Variants in FBXL18 observed in about 807,000 individuals in gnomAD.
FBXL18 encodes F-box/LRR-repeat protein 18.
In FBXL18, 36 loss-of-function variants were observed where a neutral mutation model predicts 46.0. The observed-to-expected ratio is 0.78, with a 90% CI of 0.60 to 1.03. FBXL18 has a LOEUF of 1.03. FBXL18 is among the 50% of genes least tolerant of loss of function. The probability of loss-of-function intolerance (pLI) is 0.00; values close to 1 mark genes in which losing one functional copy is unlikely to be tolerated. For missense variants in FBXL18, 977 were observed against 1,004.1 expected (o/e 0.97, Z 0.36); for synonymous variants, 557 against 465.3 (o/e 1.20, Z -2.54).
intron 4 of FBXL18, among the ~76,000 whole-genome samples, chr7:5,454,978 C>G (rs976016016): frequency 6.6e-6 from 1 of 152,226 alleles, no homozygotes; most frequent in Non-Finnish European, 1.5e-5. Flanking sequence ...CTCACCCCTA[C>G]AGTTGGGGAA....
Position 5,505,619 on chromosome 7 carries a change from A to G in FBXL18, c.30T>C (p.Asn10=). 1.2e-6 allele frequency: 2 copies of G among 1,613,740 alleles called. No individual in the cohort carries two copies. Among genetic ancestry groups the G allele is most frequent in the Non-Finnish European group, 1.7e-6 (2 of 1,179,836 alleles). The change falls in exon 2 of 5, where the codon AAT becomes AAC. Residue 10 remains asparagine, a synonymous_variant. Coordinates refer to ENST00000382368, the MANE Select transcript of FBXL18 (RefSeq NM_024963.6). The part of the protein sequence containing the change: MASSGEDIS[N]DDDDMHPAAA... ...CTGCAGGGTGCATGTCATCATCATC[A>G]TTGGATATGTCCTGAAAATAAGGGG...
At position 5,500,980 on chromosome 7, in the gene FBXL18, G is replaced by T; in HGVS notation, c.1289C>A (p.Pro430Gln). 6.5e-7 allele frequency: 1 copy of T among 1,549,132 alleles called. No homozygotes were observed. Among genetic ancestry groups the T allele is most frequent in the Non-Finnish European group, 8.7e-7 (1 of 1,154,218 alleles). Residue 430 changes from proline to glutamine, a missense_variant, in exon 3 of 5, where the codon CCG becomes CAG. Physicochemically the swap from Pro to Gln is moderately conservative, Grantham distance 76 (BLOSUM62 -1). Transcript: ENST00000382368. ...CTGGGCGGGCGCGCGGTCGGCGCGCGGCGCGGAGTCAGCGACAGAGCAGAC... is the reference window on the plus strand; with the variant it reads ...CTGGGCGGGCGCGCGGTCGGCGCGCTGCGCGGAGTCAGCGACAGAGCAGAC... ...LPVCSVADSA[P>Q]RADRAPAQPA...
At position 5,477,310 on chromosome 7, in the gene FBXL18, G is replaced by A. The variant is rs946154587; in HGVS notation, c.*4465C>T. ...GAACTGGCAGCAGCGCTCTGCCCAC[G>A]TCCACAGGAAGTGGCCGACGTCTCC... On this transcript the variant is annotated 3_prime_UTR_variant, in exon 5 of 5. Coordinates refer to ENST00000382368, the MANE Select transcript of FBXL18 (RefSeq NM_024963.6). The surrounding 1 kb of genome is among the most constrained non-coding windows in gnomAD (Gnocchi z 4.4). Among the ~76,000 whole-genome samples the A allele has an allele frequency of 6.6e-5, 10 of 152,258 alleles. No homozygotes were observed. Among genetic ancestry groups the A allele is most frequent in the South Asian group, 2.1e-4 (1 of 4,824 alleles).
chr7:5,490,198 G>C, intron 4 of FBXL18: 1 of 1,341,782 alleles, frequency 7.5e-7, no homozygotes, highest in African/African-American at 1.5e-5. Context: ...CCTCCTTCCT[G>C]TCACCTCTCC....
In FBXL18 at chr7:5,476,449, C is replaced by T. The variant is rs1474706600; in HGVS notation, c.*5326G>A. On this transcript the variant is annotated 3_prime_UTR_variant, in exon 5 of 5. Transcript: ENST00000382368. ...CAGGCGGTTTTCCCGTAAACCGACC[C>T]CTTCAGCGTTTCTGCTTTTTGTTGT... is the stretch of plus-strand genomic sequence containing the variant. 2 of 152,148 alleles carry T rather than the reference C, an allele frequency of 1.3e-5. No individual in the cohort carries two copies. Among genetic ancestry groups the T allele is most frequent in the African/African-American group, 4.8e-5 (2 of 41,404 alleles). The allele number at this position is 152,148 out of a possible 1,614,324, so 9.4% of individuals were successfully genotyped here. A position where few individuals can be genotyped will look rare whatever the true frequency, so the allele number is the denominator to read the frequency against.
chr7:5,487,516 C>T (rs560628330), intron 4 of FBXL18, among the ~76,000 whole-genome samples: 1 of 152,322 alleles, frequency 6.6e-6, no homozygotes, highest in South Asian at 2.1e-4. Context: ...TGCACAGTCC[C>T]CGACACGGCC....
intron 3 of FBXL18, among the ~76,000 whole-genome samples, chr7:5,498,496 G>A (rs556141727): frequency 6.6e-6 from 1 of 152,166 alleles, no homozygotes; most frequent in Non-Finnish European, 1.5e-5. Flanking sequence ...GGCTCTTCGC[G>A]TGTTCTGGCC....
In FBXL18 at chr7:5,481,559, C is replaced by T; in HGVS notation, c.*216G>A. On this transcript the variant is annotated 3_prime_UTR_variant, in exon 5 of 5. Coordinates refer to ENST00000382368, the MANE Select transcript of FBXL18 (RefSeq NM_024963.6). ...ACATCGACCGTCCCCCGAGCCCCCT[C>T]ATGTCACCCAGAACGCATCCCCTCG... is the stretch of plus-strand genomic sequence containing the variant. 1.9e-6 allele frequency: 1 copy of T among 528,522 alleles called. No homozygotes were observed. Among genetic ancestry groups the T allele is most frequent in the Non-Finnish European group, 3.4e-6 (1 of 296,478 alleles). 32.7% of individuals were successfully genotyped at this position (528,522 alleles called of 1,614,324 possible).
chr7:5,472,722 A>T (rs1241869337), downstream of FBXL18, among the ~76,000 whole-genome samples: 1 of 152,124 alleles, frequency 6.6e-6, no homozygotes, highest in African/African-American at 2.4e-5. Flanking sequence ...TTCAGTCCCC[A>T]ACTGCTGAGT....
At chr7:5,456,166 C>G (rs1449860433) in intron 4 of FBXL18, among the ~76,000 whole-genome samples, 1 of 152,126 alleles carries the variant, frequency 6.6e-6, no homozygotes, top group Non-Finnish European at 1.5e-5. Context: ...TGCTGTCCTC[C>G]CCGAGGCTCA....
At chr7:5,468,094 T>C (rs1362703897) in intron 4 of FBXL18, among the ~76,000 whole-genome samples, 1 of 151,836 alleles carries the variant, frequency 6.6e-6, no homozygotes, top group Non-Finnish European at 1.5e-5. Flanking sequence ...GCAATTCTCC[T>C]GCCTCAGTCT....
At position 5,492,320 on chromosome 7, in the gene FBXL18, G is replaced by C. The variant is rs1411569844; in HGVS notation, c.1782-871C>G. 4.6e-5 allele frequency among the ~76,000 whole-genome samples: 7 copies of C among 151,782 alleles called. No homozygotes were observed. In the South Asian group the frequency reaches 1.5e-3, roughly 32 times the overall value. On this transcript the variant is annotated intron_variant, in intron 3 of 4. Transcript: ENST00000382368. ...GCGCTGCTGAGGACAGGCCCGGGGG[G>C]CCCTTGGAGAACCAGGCTGTGGGAC...
intron 1 of FBXL18, among the ~76,000 whole-genome samples, chr7:5,507,945 C>T (rs1229040896): frequency 1.3e-5 from 2 of 152,092 alleles, no homozygotes; most frequent in East Asian, 3.9e-4. Flanking sequence ...CCAGCCTGGC[C>T]AACATGGTGA....
Position 5,496,777 on chromosome 7 carries a change from C to G in FBXL18, c.1781+3711G>C, listed in dbSNP as rs1248557622. ...ACAGTGGCTTACGCCTGTAATCCCACCACTTTGGGAGGCCGAGGTGGGCGG... is the reference window on the plus strand; with the variant it reads ...ACAGTGGCTTACGCCTGTAATCCCAGCACTTTGGGAGGCCGAGGTGGGCGG... On this transcript the variant is annotated intron_variant, in intron 3 of 4. Coordinates refer to ENST00000382368, the MANE Select transcript of FBXL18 (RefSeq NM_024963.6). This position sits in a 1 kb window ranked among gnomAD's most constrained non-coding sequence, Gnocchi z 4.8. 2.6e-5 allele frequency among the ~76,000 whole-genome samples: 4 copies of G among 152,072 alleles called. No individual in the cohort carries two copies. Among genetic ancestry groups the G allele is most frequent in the Non-Finnish European group, 5.9e-5 (4 of 68,006 alleles).
At chr7:5,504,424 C>T (rs1473691144) in intron 2 of FBXL18, among the ~76,000 whole-genome samples, 1 of 148,808 alleles carries the variant, frequency 6.7e-6, no homozygotes, top group Non-Finnish European at 1.5e-5. Flanking sequence ...CGTGCCTCAG[C>T]CTCCTAAGTA....
chr7:5,473,081 C>T (rs566430715), downstream of FBXL18, among the ~76,000 whole-genome samples: 27 of 152,188 alleles, frequency 1.8e-4, no homozygotes, highest in Admixed American at 1.6e-3. Flanking sequence ...TCCCCAGCAC[C>T]GACCGCTGAT....
intron 1 of FBXL18, among the ~76,000 whole-genome samples, chr7:5,512,068 T>C (rs1261977565): frequency 1.7e-5 from 2 of 120,162 alleles, no homozygotes; most frequent in Non-Finnish European, 3.7e-5. Context: ...ACCCCGTCTC[T>C]AGTAAAAAAA....
At position 5,501,119 on chromosome 7, in the gene FBXL18, TGCA is replaced by T. The variant is rs1784237649; in HGVS notation, c.1147_1149del (p.Cys383del). The T allele has an allele frequency of 6.2e-7, 1 of 1,612,698 alleles. No individual in the cohort carries two copies. The highest frequency in any genetic ancestry group is 1.7e-5 in the Admixed American group (1 of 59,990). ...GCCGAGAGGTTCAGGTGGCGCAGGT[TGCA>T]GCAGGACGCCACCAGAGTCTCCAGG... is the stretch of plus-strand genomic sequence containing the variant. On this transcript the variant is annotated inframe_deletion, in exon 3 of 5. Transcript: ENST00000382368.
downstream of FBXL18, among the ~76,000 whole-genome samples, chr7:5,473,504 G>A (rs1025883625): frequency 3.3e-5 from 5 of 152,146 alleles, no homozygotes; most frequent in Admixed American, 2.0e-4. Context: ...GTTCATGCCT[G>A]TAATCCCAAC....
Sources: allele counts gnomAD v4.1 joint callset (sites outside exome capture counted in the v4.1 genomes callset), GRCh38; gene constraint gnomAD v4.1.1; non-coding constraint Gnocchi (gnomAD v3.1); transcripts MANE v1.5; gene names NCBI Gene and HGNC (gene_info 2026-07-23, HGNC 2026-07-21).